The following B4GALT6 variants were observed in gnomAD, a reference collection of about 807,000 sequenced individuals.
B4GALT6 encodes the protein UDP-Gal:beta-GlcNAc beta-1,4-galactosyltransferase 6.
Under a neutral mutation model 46.3 loss-of-function variants are expected in B4GALT6, and 14 were observed. That is an observed-to-expected ratio of 0.30 (90% CI 0.20 to 0.47). B4GALT6 has a LOEUF of 0.47. Among genes scored for constraint, B4GALT6 ranks in the 20% least tolerant of loss-of-function variants. The pLI is 0.99. For synonymous variants in B4GALT6, 168 were observed against 162.0 expected (o/e 1.04, Z -0.28); for missense variants, 386 against 480.1 (o/e 0.80, Z 1.83).
intron 3 of B4GALT6, among the ~76,000 whole-genome samples, chr18:31,648,185 T>G (rs558059892): frequency 7.9e-5 from 12 of 151,454 alleles, no homozygotes; most frequent in African/African-American, 1.5e-4. Flanking sequence ...TGAGATTGGT[T>G]GTTGTTGTTC....
intron 5 of B4GALT6, among the ~76,000 whole-genome samples, chr18:31,636,958 T>C (rs1046028368): frequency 1.3e-5 from 2 of 152,210 alleles, no homozygotes; most frequent in Admixed American, 1.3e-4. Context: ...GTAGCTGGGA[T>C]TACAGGTGCC....
intron 2 of B4GALT6, among the ~76,000 whole-genome samples, chr18:31,659,760 A>G (rs1276358099): frequency 1.3e-5 from 2 of 152,022 alleles, no homozygotes; most frequent in Non-Finnish European, 2.9e-5. Context: ...TGACAAGGAA[A>G]ATCTTCCAAA....
chr18:31,642,583 T>C (rs977548876), intron 4 of B4GALT6, among the ~76,000 whole-genome samples: 1 of 152,242 alleles, frequency 6.6e-6, no homozygotes, highest in Admixed American at 6.5e-5. Flanking sequence ...ATGACCTGCA[T>C]AGCATTCTCA....
intron 6 of B4GALT6, among the ~76,000 whole-genome samples, chr18:31,630,331 T>C (rs1193683898): frequency 6.6e-6 from 1 of 152,210 alleles, no homozygotes; most frequent in African/African-American, 2.4e-5. Context: ...TAGACTTGCA[T>C]TCTTTCATGT....
chr18:31,647,900 T>TC (rs1449540133), intron 3 of B4GALT6, among the ~76,000 whole-genome samples: 1 of 152,084 alleles, frequency 6.6e-6, no homozygotes. Flanking sequence ...GGACTCAGGC[T>TC]CCCCCAACAC....
intron 7 of B4GALT6, 99 bp downstream of exon 7, chr18:31,626,900 C>T: frequency 9.7e-7 from 1 of 1,029,150 alleles, no homozygotes. Context: ...CATATCCCAT[C>T]CCAAAGAATG....
intron 6 of B4GALT6, among the ~76,000 whole-genome samples, chr18:31,628,827 T>C (rs568600762): frequency 6.6e-6 from 1 of 152,364 alleles, no homozygotes; most frequent in South Asian, 2.1e-4. Flanking sequence ...TAGATGGATA[T>C]GAATACAGCT....
chr18:31,651,670 C>T (rs1287028402), intron 3 of B4GALT6, among the ~76,000 whole-genome samples: 2 of 152,142 alleles, frequency 1.3e-5, no homozygotes, highest in East Asian at 3.9e-4. Context: ...GCTTTCCATG[C>T]TCACTCTTCA....
intron 2 of B4GALT6, among the ~76,000 whole-genome samples, chr18:31,661,234 TAGGAA>T (rs2144662848): frequency 6.6e-6 from 1 of 152,268 alleles, no homozygotes; most frequent in East Asian, 1.9e-4. Flanking sequence ...GGGATAAGGA[TAGGAA>T]AAATTGGGGT....
Position 31,684,579 on chromosome 18 carries a change from G to C in B4GALT6, c.-153C>G. The stretch of plus-strand genomic sequence containing the variant: ...CTGGGGAGAGGGCCCGAGCGGAAAA[G>C]AGGAAATGGGAGGGAGCGGACGGAA... On this transcript the variant is annotated 5_prime_UTR_variant, in exon 1 of 9. Coordinates refer to ENST00000306851, the MANE Select transcript of B4GALT6 (RefSeq NM_004775.5). 1 of 1,361,772 alleles carries C rather than the reference G, an allele frequency of 7.3e-7. No individual in the cohort carries two copies. Among genetic ancestry groups the C allele is most frequent in the Non-Finnish European group, 9.5e-7 (1 of 1,048,034 alleles). 84.4% of individuals were successfully genotyped at this position (1,361,772 alleles called of 1,614,324 possible).
At chr18:31,676,892 A>G (rs1049151087) in intron 1 of B4GALT6, among the ~76,000 whole-genome samples, 24 of 152,342 alleles carry the variant, frequency 1.6e-4, no homozygotes, top group African/African-American at 5.3e-4. Flanking sequence ...CCTTAAGCAC[A>G]TTCATATTTG....
rs192816077 is a variant in B4GALT6 at position 31,651,443 on chromosome 18, T to C, written c.347-5964A>G. Among the ~76,000 whole-genome samples, 164 of 152,226 alleles carry C rather than the reference T, an allele frequency of 1.1e-3. 1 individual carries two copies. The highest frequency in any genetic ancestry group is 3.9e-3 in the African/African-American group (160 of 41,540). ...GGATAACCTGTTAGTCACCTTCTAA[T>C]TTATGATTAGTTGACTTCACTTTTC... On this transcript the variant is annotated intron_variant, in intron 3 of 8. Transcript: ENST00000306851.
rs181006721 is a variant in B4GALT6, at chr18:31,628,330, A to G, written c.777-1209T>C. On this transcript the variant is annotated intron_variant, in intron 6 of 8. Coordinates refer to ENST00000306851, the MANE Select transcript of B4GALT6 (RefSeq NM_004775.5). Reference sequence around the variant, plus strand: ...GCATTCTTGGCACCGTGTACTTCCCACATCAGATGGATTATTCTTGCCCAG... The same window carrying G: ...GCATTCTTGGCACCGTGTACTTCCCGCATCAGATGGATTATTCTTGCCCAG... Among the ~76,000 whole-genome samples, 52 of 152,296 alleles carry G rather than the reference A, an allele frequency of 3.4e-4. 1 individual carries two copies. In the East Asian group the frequency reaches 0.01, roughly 29 times the overall value.
intron 6 of B4GALT6, among the ~76,000 whole-genome samples, 168 bp from the exon 7 acceptor site, chr18:31,627,289 T>G (rs2144482989): frequency 6.6e-6 from 1 of 152,212 alleles, no homozygotes; most frequent in Admixed American, 6.5e-5. Context: ...TTTTATATTC[T>G]AGTGAAACAA....
chr18:31,723,881 G>A, the B4GALT6 span, among the ~76,000 whole-genome samples: 1 of 152,102 alleles, frequency 6.6e-6, no homozygotes, highest in Non-Finnish European at 1.5e-5. Context: ...TGCCAGAACT[G>A]GACTGGCACT....
At chr18:31,690,501 C>T (rs1345718099), upstream of B4GALT6, among the ~76,000 whole-genome samples, 1 of 151,048 alleles carries the variant, frequency 6.6e-6, no homozygotes, top group Non-Finnish European at 1.5e-5. Flanking sequence ...CAGAATTTCA[C>T]TCTTGTCGCA....
At chr18:31,708,266 T>A in the B4GALT6 span, among the ~76,000 whole-genome samples, 1 of 152,196 alleles carries the variant, frequency 6.6e-6, no homozygotes, top group African/African-American at 2.4e-5. Flanking sequence ...TTCTAATTTT[T>A]AAAAACACAG....
intron 3 of B4GALT6, among the ~76,000 whole-genome samples, chr18:31,650,842 C>T (rs970590317): frequency 6.6e-5 from 10 of 152,288 alleles, no homozygotes; most frequent in African/African-American, 2.4e-4. Context: ...CATCTCGGCT[C>T]ACTACAAGCT....
the B4GALT6 span, among the ~76,000 whole-genome samples, chr18:31,694,586 A>G: frequency 1.3e-5 from 2 of 152,242 alleles, no homozygotes; most frequent in Non-Finnish European, 2.9e-5. Context: ...GGCCTTTGCT[A>G]TAAAGAACGA....
Sources: gnomAD v4.1 joint callset for allele counts (sites outside exome capture counted in the v4.1 genomes callset) on GRCh38, gnomAD v4.1.1 for gene constraint, MANE v1.5 for transcripts, NCBI Gene and HGNC (gene_info 2026-07-23, HGNC 2026-07-21) for gene names.